Variants in CDK14 observed in about 807,000 individuals in gnomAD.
CDK14 encodes the protein cyclin-dependent kinase 14.
A neutral mutation model predicts 60.7 loss-of-function variants in CDK14; 34 were observed. That is an observed-to-expected ratio of 0.56 (90% CI 0.43 to 0.75). The LOEUF (loss-of-function observed/expected upper bound fraction) is 0.75. Among genes scored for constraint, CDK14 ranks in the 30% least tolerant of loss-of-function variants. CDK14 has a pLI of 0.00. For missense variants in CDK14, 482 were observed against 564.1 expected, an observed-to-expected ratio of 0.85 and a Z score of 1.47; for synonymous variants, 197 against 203.7, an observed-to-expected ratio of 0.97 and a Z score of 0.28.
chr7:90,746,140 G>C (rs1803581662), intron 3 of CDK14, among the ~76,000 whole-genome samples: 1 of 152,094 alleles, frequency 6.6e-6, no homozygotes, highest in African/African-American at 2.4e-5. Flanking sequence ...CCCCTACATG[G>C]TCAGGCTTTT....
chr7:90,669,693 G>A (rs1801060158), intron 2 of CDK14, among the ~76,000 whole-genome samples: 2 of 152,190 alleles, frequency 1.3e-5, no homozygotes, highest in African/African-American at 4.8e-5. Context: ...AGATACATGA[G>A]CCTGTACATT....
At chr7:90,646,959 C>T (rs193260966) in intron 2 of CDK14, among the ~76,000 whole-genome samples, 1 of 152,106 alleles carries the variant, frequency 6.6e-6, no homozygotes, top group Non-Finnish European at 1.5e-5. Flanking sequence ...TGAACTGACT[C>T]ACACCCTCAT....
chr7:90,675,155 A>G (rs1420361697), intron 2 of CDK14, among the ~76,000 whole-genome samples: 4 of 152,018 alleles, frequency 2.6e-5, no homozygotes, highest in African/African-American at 9.6e-5. Flanking sequence ...AATTTTGCCC[A>G]CTCAACCTTT....
At chr7:90,900,382 A>G (rs1262631534) in intron 7 of CDK14, among the ~76,000 whole-genome samples, 1 of 152,170 alleles carries the variant, frequency 6.6e-6, no homozygotes. Context: ...TTTTCTTAAA[A>G]ATGTGTAACC....
chr7:90,833,432 T>C (rs1458989103), intron 5 of CDK14, among the ~76,000 whole-genome samples: 1 of 152,172 alleles, frequency 6.6e-6, no homozygotes, highest in East Asian at 1.9e-4. Context: ...GACTTTGATA[T>C]GTTTTCCTGT....
chr7:90,764,532 G>A (rs879647730), intron 4 of CDK14, among the ~76,000 whole-genome samples: 12 of 152,052 alleles, frequency 7.9e-5, no homozygotes, highest in African/African-American at 2.4e-5. Flanking sequence ...AGAGATGGCA[G>A]GTACCTTAAA....
intron 12 of CDK14, among the ~76,000 whole-genome samples, chr7:91,086,352 C>T (rs1756007097): frequency 6.6e-6 from 1 of 152,188 alleles, no homozygotes; most frequent in Non-Finnish European, 1.5e-5. Flanking sequence ...CTGTTCCCTC[C>T]TGAGGGGCGC....
intron 5 of CDK14, among the ~76,000 whole-genome samples, chr7:90,834,088 G>T (rs539980197): frequency 5.3e-5 from 8 of 152,160 alleles, no homozygotes; most frequent in African/African-American, 1.9e-4. Flanking sequence ...TCATCATATG[G>T]TCTTAGGCTC....
At chr7:90,957,648 A>C (rs1228932549) in intron 9 of CDK14, among the ~76,000 whole-genome samples, 1 of 152,146 alleles carries the variant, frequency 6.6e-6, no homozygotes, top group African/African-American at 2.4e-5. Context: ...CTTACAAGGG[A>C]TGTGAAGGAC....
intron 14 of CDK14, among the ~76,000 whole-genome samples, chr7:91,161,895 A>G (rs536529394): frequency 6.6e-6 from 1 of 152,234 alleles, no homozygotes; most frequent in Non-Finnish European, 1.5e-5. Flanking sequence ...AATTTCTAAT[A>G]AAGTTCATGA....
chr7:90,755,229 G>A (rs908182954), intron 4 of CDK14, among the ~76,000 whole-genome samples: 1 of 152,156 alleles, frequency 6.6e-6, no homozygotes, highest in Non-Finnish European at 1.5e-5. Flanking sequence ...CCCATCAGTA[G>A]TGAATTGGAT....
At chr7:90,848,582 A>G (rs986202741) in intron 5 of CDK14, among the ~76,000 whole-genome samples, 4 of 152,208 alleles carry the variant, frequency 2.6e-5, no homozygotes, top group Admixed American at 6.5e-5. Context: ...TTTAATACCT[A>G]CTTGACTTTT....
Position 91,118,066 on chromosome 7 carries a change from G to A in CDK14, c.1296G>A (p.Met432Ile), listed in dbSNP as rs773301216. The change falls in exon 14 of 15, where the codon ATG becomes ATA. Residue 432 changes from methionine to isoleucine, a missense_variant and splice_region_variant. By Grantham distance (10) the Met-to-Ile change is conservative. Transcript: ENST00000380050. ...GAAAACTTCATATTCTGTCCACAGT[G>A]TCTTCTATTTTTACTGTCCCAAATG... ...LPPRLWELTD[M>I]SSIFTVPNVR... The A allele has an allele frequency of 1.3e-6, 2 of 1,573,028 alleles. No individual in the cohort carries two copies. Among genetic ancestry groups the A allele is most frequent in the Non-Finnish European group, 1.7e-6 (2 of 1,143,502 alleles).
chr7:90,954,081 T>C (rs575066904), intron 8 of CDK14, among the ~76,000 whole-genome samples: 3 of 152,330 alleles, frequency 2.0e-5, no homozygotes, highest in Admixed American at 2.0e-4. Flanking sequence ...CTGTACATTT[T>C]AATATGGAAT....
At chr7:90,929,271 A>G (rs1158559876) in intron 8 of CDK14, among the ~76,000 whole-genome samples, 4 of 152,162 alleles carry the variant, frequency 2.6e-5, no homozygotes, top group African/African-American at 9.7e-5. Context: ...AAATGCAGAA[A>G]TCACCCATCT....
intron 6 of CDK14, among the ~76,000 whole-genome samples, chr7:90,896,760 A>G (rs984759625): frequency 1.2e-4 from 18 of 152,212 alleles, no homozygotes; most frequent in South Asian, 2.1e-4. Context: ...TGTTGTTCCA[A>G]TATCAAAAAT....
intron 2 of CDK14, among the ~76,000 whole-genome samples, chr7:90,716,758 C>G (rs1802261997): frequency 6.6e-6 from 1 of 151,996 alleles, no homozygotes; most frequent in East Asian, 1.9e-4. Flanking sequence ...AAATTTTTAT[C>G]ACTCATTGTA....
In CDK14 at chr7:90,645,029, A is replaced by G. The variant is rs531022152; in HGVS notation, c.123+40780A>G. Among the ~76,000 whole-genome samples, 9 of 152,254 alleles carry G rather than the reference A, an allele frequency of 5.9e-5. No individual in the cohort carries two copies. The East Asian group carries it at 7.7e-4, about 13-fold the overall frequency. On this transcript the variant is annotated intron_variant, in intron 2 of 14. Transcript: ENST00000380050. ...CTCTATAAAAGTAAGCTTTTTTATT[A>G]TTATTTTAGTGAGCACCAAATGTGG...
chr7:90,948,217 A>G lies in CDK14; in HGVS notation c.827-7480A>G, dbSNP rs892558313. On this transcript the variant is annotated intron_variant, in intron 8 of 14. Transcript: ENST00000380050. ...GGTTTTGAAATTCATTTTTTATATTATGTTGTCATCTAGCATTGGAATAAT... is the reference window on the plus strand; with the variant it reads ...GGTTTTGAAATTCATTTTTTATATTGTGTTGTCATCTAGCATTGGAATAAT... Among the ~76,000 whole-genome samples the G allele has an allele frequency of 9.2e-4, 140 of 152,194 alleles. 13 individuals are homozygous for G. The highest frequency in any genetic ancestry group is 2.9e-5 in the Non-Finnish European group (2 of 68,024).
Sources: allele counts gnomAD v4.1 joint callset (sites outside exome capture counted in the v4.1 genomes callset), GRCh38; gene constraint gnomAD v4.1.1; transcripts MANE v1.5; gene names NCBI Gene and HGNC (gene_info 2026-07-23, HGNC 2026-07-21).